Variants in OR5A2 observed in about 807,000 individuals in gnomAD.
OR5A2 encodes the protein olfactory receptor family 5 subfamily A member 2.
For missense variants in OR5A2, 406 were observed against 398.9 expected (o/e 1.02, Z -0.15); for synonymous variants, 155 against 151.1 (o/e 1.03, Z -0.19).
Position 59,422,110 on chromosome 11 carries a change from C to G in OR5A2, c.844G>C (p.Val282Leu). The stretch of plus-strand genomic sequence containing the variant: ...ATGATGGGATTCACCACGGGGATCA[C>G]CAAGGCATAGAATATGGACACCACC... ...DKVVSIFYALVIPVVNPIIYS... is the reference protein window; with the variant it reads ...DKVVSIFYALLIPVVNPIIYS... Residue 282 changes from valine (V) to leucine (L), a missense_variant, in exon 2 of 2, where the codon GTG (valine) becomes CTG (leucine). Physicochemically the swap from Val to Leu is conservative, Grantham distance 32. Transcript: ENST00000302040. 6.2e-7 allele frequency: 1 copy of G among 1,614,004 alleles called. No individual in the cohort carries two copies. The highest frequency in any genetic ancestry group is 8.5e-7 in the Non-Finnish European group (1 of 1,179,990).
Position 59,421,860 on chromosome 11 carries a change from T to G in OR5A2, c.*119A>C. 8.9e-7 allele frequency: 1 copy of G among 1,129,302 alleles called. No individual in the cohort carries two copies. Among genetic ancestry groups the G allele is most frequent in the East Asian group, 2.4e-5 (1 of 42,192 alleles). 70.0% of individuals were successfully genotyped at this position (1,129,302 alleles called of 1,614,324 possible). A position where few individuals can be genotyped will look rare whatever the true frequency, so the allele number is the denominator to read the frequency against. ...TAATAGCCAACAGGCAAACTATTAG[T>G]GAAATCTTAAGCAGGAGGGAAAAAA... On this transcript the variant is annotated 3_prime_UTR_variant, in exon 2 of 2. Coordinates refer to ENST00000302040, the MANE Select transcript of OR5A2 (RefSeq NM_001001954.2).
In OR5A2 at chr11:59,423,173, A is replaced by G. The variant is rs1054347176; in HGVS notation, c.-91-129T>C. The G allele has an allele frequency of 1.4e-5, 7 of 497,428 alleles. No homozygotes were observed. The South Asian group carries it at 2.6e-4, about 19-fold the overall frequency. The allele number at this position is 497,428 out of a possible 1,614,324, so 30.8% of individuals were successfully genotyped here. ...TCCATATGCTCTATGCTTGTTGACC[A>G]AAAGAGAATCCATCTAATAATAAAG... On this transcript the variant is annotated intron_variant, in intron 1 of 1. Coordinates refer to ENST00000302040, the MANE Select transcript of OR5A2 (RefSeq NM_001001954.2).
rs1429448461 is a variant in OR5A2, at chr11:59,420,951, T to C, written c.*1028A>G. ...AAATTGTTTTAGTGGCCTCTTTTTGTAGTTGATTGAATTGGCCGAGAGGTT... is the reference window on the plus strand; with the variant it reads ...AAATTGTTTTAGTGGCCTCTTTTTGCAGTTGATTGAATTGGCCGAGAGGTT... On this transcript the variant is annotated 3_prime_UTR_variant, in exon 2 of 2. Transcript: ENST00000302040. The C allele has an allele frequency of 6.6e-6, 1 of 152,202 alleles. No homozygotes were observed. The highest frequency in any genetic ancestry group is 1.9e-4 in the East Asian group (1 of 5,192). 9.4% of individuals were successfully genotyped at this position (152,202 alleles called of 1,614,324 possible).
chr11:59,422,789 G>A lies in OR5A2; in HGVS notation c.165C>T (p.His55=). ...SLIALIKMDS[H]LHMPMYFFLS... ...GGAAGAAGTACATGGGCATGTGCAG[G>A]TGAGAGTCCATCTTAATGAGGGCAA... is the stretch of plus-strand genomic sequence containing the variant. Residue 55 remains histidine (H), a synonymous_variant, in exon 2 of 2, where the codon CAC becomes CAT. Transcript: ENST00000302040. 1 of 1,614,186 alleles carries A rather than the reference G, an allele frequency of 6.2e-7. No homozygotes were observed. Among genetic ancestry groups the A allele is most frequent in the Non-Finnish European group, 8.5e-7 (1 of 1,180,026 alleles).
intron 1 of OR5A2, chr11:59,424,518 G>T (rs1858271163): frequency 6.6e-6 from 1 of 152,112 alleles, no homozygotes; most frequent in Non-Finnish European, 1.5e-5. Context: ...AGCCCAGGAG[G>T]TCTAGGCTGC....
rs1485700506 is a variant in OR5A2 at position 59,422,424 on chromosome 11, T to C, written c.530A>G (p.His177Arg). ...GACTGGAGGGAGGTCACAGAAAAAG[T>C]GGTTGATCATATAGGGCCCACAGAA... ...HDFCGPYMIN[H>R]FFCDLPPVLA... is the part of the protein sequence containing the mutation. Residue 177 changes from histidine (H) to arginine (R), a missense_variant, in exon 2 of 2, where the codon CAC becomes CGC. His to Arg is a conservative substitution (Grantham distance 29). Coordinates refer to ENST00000302040, the MANE Select transcript of OR5A2 (RefSeq NM_001001954.2). The C allele has an allele frequency of 5.6e-6, 9 of 1,613,898 alleles. No individual in the cohort carries two copies. The highest frequency in any genetic ancestry group is 6.8e-6 in the Non-Finnish European group (8 of 1,180,000).
chr11:59,421,922 TTTAAA>T lies in OR5A2; in HGVS notation c.*52_*56del. 2.0e-6 allele frequency: 3 copies of T among 1,495,672 alleles called. No individual in the cohort carries two copies. Among genetic ancestry groups the T allele is most frequent in the Non-Finnish European group, 2.7e-6 (3 of 1,116,768 alleles). The allele number at this position is 1,495,672 out of a possible 1,614,324, so 92.7% of individuals were successfully genotyped here. On this transcript the variant is annotated 3_prime_UTR_variant, in exon 2 of 2. Transcript: ENST00000302040. ...ACAATTCATTCTATAGATCAACTAGTTTAAAATTATGTAAATGTCTGCACAATTCA... is the reference window on the plus strand; with the variant it reads ...ACAATTCATTCTATAGATCAACTAGTATTATGTAAATGTCTGCACAATTCA...
rs1283157775 is a variant in OR5A2, at chr11:59,423,269, G to A, written c.-91-225C>T. 4 of 243,826 alleles carry A rather than the reference G, an allele frequency of 1.6e-5. No homozygotes were observed. The Admixed American group carries it at 2.0e-4, about 12-fold the overall frequency. 15.1% of individuals were successfully genotyped at this position (243,826 alleles called of 1,614,324 possible). On this transcript the variant is annotated intron_variant, in intron 1 of 1. Transcript: ENST00000302040. The stretch of plus-strand genomic sequence containing the variant: ...CATTCATAACTTGCTGAGGACTTTG[G>A]AAAAGTCATTTCTCCAGATTCTCAT...
Position 59,422,482 on chromosome 11 carries a change from A to C in OR5A2, c.472T>G (p.Phe158Val). ...TGATAGACAGAGTATGTTTCAATGA[A>C]AGAACTAAGGAATCCACCCACATAG... ...GAYVGGFLSS[F>V]IETYSVYQHD... Residue 158 changes from phenylalanine to valine, a missense_variant, in exon 2 of 2, where the codon TTC (phenylalanine) becomes GTC (valine). Phe to Val is a conservative substitution (Grantham distance 50, BLOSUM62 -1). Transcript: ENST00000302040. 1.2e-6 allele frequency: 2 copies of C among 1,614,192 alleles called. No homozygotes were observed. Among genetic ancestry groups the C allele is most frequent in the Non-Finnish European group, 1.7e-6 (2 of 1,180,036 alleles).
Position 59,422,078 on chromosome 11 carries a change from A to G in OR5A2, c.876T>C (p.Ser292=). The G allele has an allele frequency of 2.5e-6, 4 of 1,614,058 alleles. No homozygotes were observed. The highest frequency in any genetic ancestry group is 3.4e-6 in the Non-Finnish European group (4 of 1,179,998). ...CATTTTTAATCTCCTTATTCCTAAA[A>G]CTGTAGATGATGGGATTCACCACGG... ...VIPVVNPIIY[S]FRNKEIKNAM... Residue 292 remains serine (S), a synonymous_variant, in exon 2 of 2, where the codon AGT becomes AGC. Coordinates refer to ENST00000302040, the MANE Select transcript of OR5A2 (RefSeq NM_001001954.2).
At position 59,419,491 on chromosome 11, in the gene OR5A2, G is replaced by A. The variant is rs987619824; in HGVS notation, c.*2488C>T. On this transcript the variant is annotated 3_prime_UTR_variant, in exon 2 of 2. Coordinates refer to ENST00000302040, the MANE Select transcript of OR5A2 (RefSeq NM_001001954.2). ...GAGATTTATTCTGAGCCAAATATGA[G>A]TAACCATGGCCCGCAACACAGCCGT... 2 of 152,130 alleles carry A rather than the reference G, an allele frequency of 1.3e-5. No homozygotes were observed. Among genetic ancestry groups the A allele is most frequent in the African/African-American group, 4.8e-5 (2 of 41,434 alleles). The allele number at this position is 152,130 out of a possible 1,614,324, so 9.4% of individuals were successfully genotyped here. A position where few individuals can be genotyped will look rare whatever the true frequency, so the allele number is the denominator to read the frequency against.
Position 59,422,211 on chromosome 11 carries a change from G to A in OR5A2, c.743C>T (p.Ala248Val), listed in dbSNP as rs1858233835. ...AFSTCASHLT[A>V]VTLFYGSGFF... is the part of the protein sequence containing the mutation. ...TCCAGAACCATAGAAGAGGGTCACA[G>A]CAGTCAGGTGAGAGGCACAAGTGCT... is the stretch of plus-strand genomic sequence containing the variant. Residue 248 changes from alanine (A) to valine (V), a missense_variant, in exon 2 of 2, where the codon GCT (alanine) becomes GTT (valine). Transcript: ENST00000302040. 1 of 1,614,166 alleles carries A rather than the reference G, an allele frequency of 6.2e-7. No individual in the cohort carries two copies. Among genetic ancestry groups the A allele is most frequent in the Admixed American group, 1.7e-5 (1 of 60,008 alleles).
chr11:59,417,528 A>T lies in OR5A2; in HGVS notation c.*4451T>A, dbSNP rs1448424406. 1.3e-5 allele frequency: 2 copies of T among 152,092 alleles called. No homozygotes were observed. The highest frequency in any genetic ancestry group is 3.9e-4 in the East Asian group (2 of 5,162). 9.4% of individuals were successfully genotyped at this position (152,092 alleles called of 1,614,324 possible). ...GTTTGAAAATGTTATAGACATGAGG[A>T]CAAGTCACCAGGAAATCAGGGAGGT... On this transcript the variant is annotated 3_prime_UTR_variant, in exon 2 of 2. Transcript: ENST00000302040.
intron 1 of OR5A2, chr11:59,424,456 A>T (rs1858270364): frequency 6.6e-6 from 1 of 152,180 alleles, no homozygotes; most frequent in Non-Finnish European, 1.5e-5. Context: ...GTGTGGTGGC[A>T]CATGCCTGTA....
chr11:59,424,502 C>G (rs1858270981), intron 1 of OR5A2: 1 of 152,118 alleles, frequency 6.6e-6, no homozygotes, highest in African/African-American at 2.4e-5. Context: ...TGAGGGGGAT[C>G]ACTTGAGCCC....
At chr11:59,423,488 T>C (rs1858258470) in intron 1 of OR5A2, 1 of 152,656 alleles carries the variant, frequency 6.6e-6, no homozygotes, top group Non-Finnish European at 1.5e-5. Context: ...CTGAATTTAG[T>C]GGGCTACAAT....
Position 59,417,078 on chromosome 11 carries a change from A to C in OR5A2, c.*4901T>G, listed in dbSNP as rs1041720079. 2.0e-5 allele frequency: 3 copies of C among 152,078 alleles called. No individual in the cohort carries two copies. Among genetic ancestry groups the C allele is most frequent in the African/African-American group, 7.2e-5 (3 of 41,440 alleles). 9.4% of individuals were successfully genotyped at this position (152,078 alleles called of 1,614,324 possible). On this transcript the variant is annotated 3_prime_UTR_variant, in exon 2 of 2. Transcript: ENST00000302040. ...ATTTTTCTATGCATGCTGACATTTA[A>C]GTCTAGTTTGACATCATAGTTCCAT...
intron 1 of OR5A2, chr11:59,425,096 G>A (rs1053665054): frequency 6.6e-6 from 1 of 152,194 alleles, no homozygotes; most frequent in East Asian, 1.9e-4. Context: ...AATTGCAATG[G>A]AGAAAGAGTA....
intron 1 of OR5A2, chr11:59,423,833 G>A (rs1025223910): frequency 1.3e-5 from 2 of 152,120 alleles, no homozygotes; most frequent in African/African-American, 2.4e-5. Flanking sequence ...CACAATTATA[G>A]GAAAGAAGGG....
Sources: allele counts gnomAD v4.1 joint callset, GRCh38; gene constraint gnomAD v4.1.1; transcripts MANE v1.5; gene names NCBI Gene and HGNC (gene_info 2026-07-23, HGNC 2026-07-21).